DAP3: variants seen among roughly 807,000 people sequenced by gnomAD.
DAP3 encodes death associated protein 3, also known as small ribosomal subunit protein mS29.
DAP3 carries 28 observed loss-of-function variants against 51.9 expected under a neutral mutation model. The ratio of observed to expected loss-of-function variants is 0.54; its 90% CI spans 0.40 to 0.74. The LOEUF (loss-of-function observed/expected upper bound fraction) is 0.74. DAP3 is among the 30% of genes least tolerant of loss of function. The pLI is 0.00. For missense variants in DAP3, 458 were observed against 483.5 expected (o/e 0.95, Z 0.49); for synonymous variants, 170 against 170.3 (o/e 1.00, Z 0.01).
chr1:155,705,154 C>G (rs1300900979), intron 1 of DAP3, among the ~76,000 whole-genome samples: 1 of 151,620 alleles, frequency 6.6e-6, no homozygotes, highest in African/African-American at 2.4e-5. Context: ...GGCACAGTGG[C>G]ACGTGCCTGT....
chr1:155,737,394 C>T (rs952231752), intron 12 of DAP3, among the ~76,000 whole-genome samples: 1 of 152,178 alleles, frequency 6.6e-6, no homozygotes, highest in Non-Finnish European at 1.5e-5. Flanking sequence ...TGGAGAGACT[C>T]ATGCTGGGAC....
chr1:155,731,693 T>G (rs1659255529), intron 10 of DAP3, among the ~76,000 whole-genome samples: 1 of 152,206 alleles, frequency 6.6e-6, no homozygotes, highest in South Asian at 2.1e-4. Context: ...TTAAAGTGTT[T>G]TTGTATCTCC....
In DAP3 at chr1:155,725,472, G is replaced by T. The variant is rs1223493932; in HGVS notation, c.361G>T (p.Ala121Ser). 3 of 1,613,950 alleles carry T rather than the reference G, an allele frequency of 1.9e-6. No homozygotes were observed. Among genetic ancestry groups the T allele is most frequent in the Non-Finnish European group, 2.5e-6 (3 of 1,180,004 alleles). Residue 121 changes from alanine to serine, a missense_variant, in exon 5 of 13, where the codon GCT becomes TCT. Ala to Ser is a moderately conservative substitution (Grantham distance 99). Coordinates refer to ENST00000368336, the MANE Select transcript of DAP3 (RefSeq NM_004632.4). ...YLKNTSFAYPAIRYLLYGEKG... is the reference protein window; with the variant it reads ...YLKNTSFAYPSIRYLLYGEKG... ...GAAAAACACCAGTTTTGCTTATCCAGCTATACGATATCTTCTGTGTATCCT... is the reference window on the plus strand; with the variant it reads ...GAAAAACACCAGTTTTGCTTATCCATCTATACGATATCTTCTGTGTATCCT...
chr1:155,737,008 A>G lies in DAP3; in HGVS notation c.1056A>G (p.Glu352=), dbSNP rs373938510. ...PILVSNYNPK[E]FESCIQYYLE... ...TGGTTTCCAACTATAACCCAAAGGA[A>G]TTTGAAAGTTGTATTCAGTATTATT... Residue 352 remains glutamate (E), a synonymous_variant, in exon 12 of 13, where the codon GAA becomes GAG. Transcript: ENST00000368336. 22 of 1,614,120 alleles carry G rather than the reference A, an allele frequency of 1.4e-5. No individual in the cohort carries two copies. The African/African-American group carries it at 2.3e-4, about 17-fold the overall frequency.
chr1:155,725,333 C>A lies in DAP3; in HGVS notation c.271-49C>A, dbSNP rs761371305. The A allele has an allele frequency of 2.6e-6, 4 of 1,536,174 alleles. No individual in the cohort carries two copies. The Admixed American group carries it at 6.7e-5, about 26-fold the overall frequency. On this transcript the variant is annotated intron_variant, in intron 4 of 12. Transcript: ENST00000368336. ...GCAGAGTATATATACCACCCCCCAC[C>A]CACTCCTTCCACACCCACCCACTCT...
intron 10 of DAP3, chr1:155,731,636 A>G (rs1402414095): frequency 3.6e-6 from 2 of 549,556 alleles, no homozygotes; most frequent in East Asian, 6.4e-5. Context: ...TTTATTCAAA[A>G]CCATTTTATT....
intron 1 of DAP3, among the ~76,000 whole-genome samples, chr1:155,697,641 CAGAG>C (rs1654704218): frequency 6.6e-6 from 1 of 152,038 alleles, no homozygotes; most frequent in Admixed American, 6.6e-5. Flanking sequence ...ATCACAAAGG[CAGAG>C]AGGCAGAGCG....
intron 1 of DAP3, among the ~76,000 whole-genome samples, chr1:155,706,762 A>C (rs1227722934): frequency 6.6e-6 from 1 of 151,826 alleles, no homozygotes; most frequent in African/African-American, 2.4e-5. Flanking sequence ...TAAATAAATA[A>C]ATAAATAAAT....
chr1:155,731,422 G>A lies in DAP3; in HGVS notation c.903+7G>A. 1 of 1,613,268 alleles carries A rather than the reference G, an allele frequency of 6.2e-7. No homozygotes were observed. Among genetic ancestry groups the A allele is most frequent in the Non-Finnish European group, 8.5e-7 (1 of 1,179,424 alleles). ...AATGATGAAAAATGATTGGGTAAGTGCATATGATACCTCACACATTTCAGA... is the reference window on the plus strand; with the variant it reads ...AATGATGAAAAATGATTGGGTAAGTACATATGATACCTCACACATTTCAGA... On this transcript the variant is annotated splice_region_variant and intron_variant, in intron 10 of 12. Coordinates refer to ENST00000368336, the MANE Select transcript of DAP3 (RefSeq NM_004632.4).
chr1:155,705,613 AG>A (rs1558344539), intron 1 of DAP3, among the ~76,000 whole-genome samples: 2 of 151,132 alleles, frequency 1.3e-5, no homozygotes, highest in African/African-American at 2.4e-5. Context: ...AAAAAAAAAA[AG>A]AAAGAAAAAA....
intron 4 of DAP3, chr1:155,721,983 G>T (rs1438417578): frequency 1.6e-5 from 5 of 314,494 alleles, no homozygotes; most frequent in East Asian, 1.6e-4. Flanking sequence ...AGATGCATTG[G>T]TTTTTATTCT....
chr1:155,712,480 C>T (rs1174222803), intron 2 of DAP3, among the ~76,000 whole-genome samples: 3 of 151,984 alleles, frequency 2.0e-5, no homozygotes, highest in South Asian at 2.1e-4. Flanking sequence ...GGCGCGGTGG[C>T]GCATGCCTGT....
At chr1:155,736,180 A>T (rs1571579575) in intron 11 of DAP3, among the ~76,000 whole-genome samples, 1 of 151,670 alleles carries the variant, frequency 6.6e-6, no homozygotes, top group Admixed American at 6.6e-5. Flanking sequence ...TTGTATTTTT[A>T]GTATTTTCAC....
At chr1:155,728,553 T>C (rs1234201078) in intron 7 of DAP3, among the ~76,000 whole-genome samples, 1 of 149,772 alleles carries the variant, frequency 6.7e-6, no homozygotes, top group Non-Finnish European at 1.5e-5. Context: ...CAGAGCGAGA[T>C]ATGGTCTCAA....
Position 155,721,529 on chromosome 1 carries a change from G to T in DAP3, c.181G>T (p.Asp61Tyr). Reference sequence around the variant, plus strand: ...TCTTATTTCCTAGGCCAAGCATGGGGATCAGCACGAGGGTCAGCACTACAA... The same window carrying T: ...TCTTATTTCCTAGGCCAAGCATGGGTATCAGCACGAGGGTCAGCACTACAA... ...TNENDPAKHG[D>Y]QHEGQHYNIS... Residue 61 changes from aspartate (D) to tyrosine (Y), a missense_variant, in exon 4 of 13, where the codon GAT (aspartate) becomes TAT (tyrosine). By Grantham distance (160) the Asp-to-Tyr change is radical. Coordinates refer to ENST00000368336, the MANE Select transcript of DAP3 (RefSeq NM_004632.4). The T allele has an allele frequency of 1.9e-6, 3 of 1,613,798 alleles. No individual in the cohort carries two copies. Among genetic ancestry groups the T allele is most frequent in the Non-Finnish European group, 2.5e-6 (3 of 1,179,962 alleles).
intron 2 of DAP3, among the ~76,000 whole-genome samples, chr1:155,711,513 C>T (rs762610783): frequency 1.4e-4 from 21 of 151,822 alleles, no homozygotes; most frequent in Non-Finnish European, 2.7e-4. Flanking sequence ...AAAAAATTTC[C>T]TCTTTCTTAA....
chr1:155,729,151 A>G, intron 8 of DAP3, 29 bp downstream of exon 8: 1 of 1,614,190 alleles, frequency 6.2e-7, no homozygotes, highest in African/African-American at 1.3e-5. Context: ...AATGTGTAAC[A>G]TGCGATAACA....
intron 3 of DAP3, 94 bp downstream of exon 3, chr1:155,717,222 T>C (rs1657447037): frequency 1.3e-6 from 2 of 1,558,592 alleles, no homozygotes; most frequent in African/African-American, 1.4e-5. Context: ...GAAAGAAGCT[T>C]AGTAGATTTG....
chr1:155,690,463 T>C (rs1228291199), intron 1 of DAP3, among the ~76,000 whole-genome samples: 3 of 140,908 alleles, frequency 2.1e-5, no homozygotes, highest in Non-Finnish European at 4.4e-5. Context: ...AGCAGGAGGA[T>C]TGAGGAAGAG....
Sources: gnomAD v4.1 joint callset for allele counts (sites outside exome capture counted in the v4.1 genomes callset) on GRCh38, gnomAD v4.1.1 for gene constraint, MANE v1.5 for transcripts, NCBI Gene and HGNC (gene_info 2026-07-23, HGNC 2026-07-21) for gene names.